Variants in CACNA1E observed in about 807,000 individuals in gnomAD.
The protein encoded by CACNA1E is calcium voltage-gated channel subunit alpha1 E.
Under a neutral mutation model 259.2 loss-of-function variants are expected in CACNA1E, and 40 were observed. The ratio of observed to expected loss-of-function variants is 0.15; its 90% CI spans 0.12 to 0.20. The LOEUF (loss-of-function observed/expected upper bound fraction) is 0.20. CACNA1E is among the 10% of genes least tolerant of loss of function. The pLI, the probability that CACNA1E is intolerant of heterozygous loss-of-function variation, is 1.00. For missense variants in CACNA1E, 1,874 were observed against 3,040.1 expected, an observed-to-expected ratio of 0.62 and a Z score of 9.02; for synonymous variants, 1,104 against 1,138.5, an observed-to-expected ratio of 0.97 and a Z score of 0.61.
intron 1 of CACNA1E, among the ~76,000 whole-genome samples, chr1:181,499,910 T>G (rs1296589677): frequency 6.6e-6 from 1 of 152,242 alleles, no homozygotes; most frequent in Non-Finnish European, 1.5e-5. Flanking sequence ...TCAGTTTTCT[T>G]GCAGGCTATG....
chr1:181,758,930 CTT>C lies in CACNA1E; in HGVS notation c.4605+64_4605+65del, dbSNP rs1658332586. 4 of 938,180 alleles carry C rather than the reference CTT, an allele frequency of 4.3e-6. No homozygotes were observed. In the South Asian group the frequency reaches 5.8e-5, roughly 14 times the overall value. The allele number at this position is 938,180 out of a possible 1,614,324, so 58.1% of individuals were successfully genotyped here. A position where few individuals can be genotyped will look rare whatever the true frequency, so the allele number is the denominator to read the frequency against. On this transcript the variant is annotated intron_variant, in intron 32 of 47. Coordinates refer to ENST00000367573, the MANE Select transcript of CACNA1E (RefSeq NM_001205293.3). This position sits in a 1 kb window ranked among gnomAD's most constrained non-coding sequence, Gnocchi z 4.2. ...TCTTTCTGTTGGGTGCCTTCCCAGTCTTTGTTGAAGGGGAGGTGGTTACTGCT... is the reference window on the plus strand; with the variant it reads ...TCTTTCTGTTGGGTGCCTTCCCAGTCTGTTGAAGGGGAGGTGGTTACTGCT...
At chr1:181,723,692 C>T (rs1011290192) in intron 16 of CACNA1E, among the ~76,000 whole-genome samples, 1 of 152,296 alleles carries the variant, frequency 6.6e-6, no homozygotes, top group African/African-American at 2.4e-5. Flanking sequence ...CCCACAACCC[C>T]CTTCCTGGGT....
intron 18 of CACNA1E, among the ~76,000 whole-genome samples, chr1:181,730,508 ATACTC>A (rs572337754): frequency 9.3e-4 from 142 of 152,364 alleles, no homozygotes; most frequent in African/African-American, 3.1e-3. Flanking sequence ...AAGAAGGTCA[ATACTC>A]TGCTCTGCCC....
At chr1:181,603,911 C>T (rs536811845) in intron 6 of CACNA1E, among the ~76,000 whole-genome samples, 5 of 152,194 alleles carry the variant, frequency 3.3e-5, no homozygotes. Context: ...TGTGCAGCTG[C>T]CGCCGAGCTG....
intron 6 of CACNA1E, among the ~76,000 whole-genome samples, chr1:181,592,839 T>C (rs933072978): frequency 6.6e-6 from 1 of 152,164 alleles, no homozygotes; most frequent in Admixed American, 6.6e-5. Context: ...TGAGTCATAT[T>C]CTGTTAGTGA....
At chr1:181,609,980 C>A (rs543494772) in intron 6 of CACNA1E, among the ~76,000 whole-genome samples, 98 of 152,344 alleles carry the variant, frequency 6.4e-4, no homozygotes, top group African/African-American at 2.3e-3. Context: ...CCATCTTCCT[C>A]TGTCTCCCCA....
intron 37 of CACNA1E, among the ~76,000 whole-genome samples, chr1:181,775,137 C>G (rs531400101): frequency 7.9e-5 from 12 of 152,274 alleles, no homozygotes; most frequent in Admixed American, 2.0e-4. Context: ...AACTATTTTG[C>G]CCAGAAGATT....
chr1:181,778,331 T>A (rs761411118), intron 38 of CACNA1E, among the ~76,000 whole-genome samples: 7 of 152,130 alleles, frequency 4.6e-5, no homozygotes, highest in African/African-American at 1.2e-4. Flanking sequence ...CTAAATTACC[T>A]CCTCTCAAGA....
rs1004453594 is a variant in CACNA1E, at chr1:181,806,061, T to C, written c.*7227T>C. 2.0e-5 allele frequency: 3 copies of C among 152,254 alleles called. No individual in the cohort carries two copies. The highest frequency in any genetic ancestry group is 4.8e-5 in the African/African-American group (2 of 41,466). 9.4% of individuals were successfully genotyped at this position (152,254 alleles called of 1,614,324 possible). On this transcript the variant is annotated 3_prime_UTR_variant, in exon 48 of 48. Transcript: ENST00000367573. ...GGCTTTGAAGGCCTCAGAGGATTAA[T>C]AGATTCCCAAAATTTTCTTCCAGAC...
At chr1:181,486,429 T>C (rs1332537951) in intron 1 of CACNA1E, among the ~76,000 whole-genome samples, 2 of 152,264 alleles carry the variant, frequency 1.3e-5, no homozygotes, top group Non-Finnish European at 2.9e-5. Context: ...GGTGACCACG[T>C]GGAAACATTG....
intron 6 of CACNA1E, among the ~76,000 whole-genome samples, chr1:181,650,277 T>G (rs1658640902): frequency 6.6e-6 from 1 of 152,194 alleles, no homozygotes; most frequent in African/African-American, 2.4e-5. Flanking sequence ...TGGTCTTAAT[T>G]TTACTAATTT....
intron 6 of CACNA1E, 41 bp downstream of exon 6, chr1:181,580,817 A>G (rs1241707367): frequency 1.3e-6 from 2 of 1,587,032 alleles, no homozygotes; most frequent in Non-Finnish European, 8.6e-7. Context: ...GGAGGGAAGA[A>G]CCCTGGATGG....
At chr1:181,733,333 C>T (rs906174733) in intron 20 of CACNA1E, 104 bp from the exon 21 acceptor site, 1 of 1,050,080 alleles carries the variant, frequency 9.5e-7, no homozygotes, top group African/African-American at 1.6e-5. Context: ...TGGCCTTGTA[C>T]CTTCCAGGCT....
At chr1:181,748,455 C>A (rs976508783) in intron 25 of CACNA1E, among the ~76,000 whole-genome samples, 2 of 152,012 alleles carry the variant, frequency 1.3e-5, no homozygotes, top group Admixed American at 6.6e-5. Context: ...TGGGCCCTCC[C>A]GCAGAAGACG....
At chr1:181,679,710 C>A (rs1012757448) in intron 7 of CACNA1E, among the ~76,000 whole-genome samples, 2 of 152,130 alleles carry the variant, frequency 1.3e-5, no homozygotes, top group African/African-American at 4.8e-5. Context: ...AGTGGCTGGG[C>A]TAACAGCAGG....
At chr1:181,592,265 G>C (rs1160145337) in intron 6 of CACNA1E, among the ~76,000 whole-genome samples, 1 of 152,094 alleles carries the variant, frequency 6.6e-6, no homozygotes, top group African/African-American at 2.4e-5. Flanking sequence ...ATCAACCCCA[G>C]TCCCCTAGAC....
rs1007833374 is a variant in CACNA1E at position 181,424,073 on chromosome 1, T to A, written c.434+10493T>A. 2.4e-4 allele frequency among the ~76,000 whole-genome samples: 36 copies of A among 152,210 alleles called. No individual in the cohort carries two copies. The East Asian group carries it at 6.4e-3, about 27-fold the overall frequency. ...GCATTTCAGGATCCTAGGGCTGTAG[T>A]ATAACAGGGTTGCAGAAACCAAAAC... On this transcript the variant is annotated intron_variant, in intron 2 of 11. Transcript: ENST00000524607.
chr1:181,588,421 C>A (rs1469305668), intron 6 of CACNA1E, among the ~76,000 whole-genome samples: 1 of 152,204 alleles, frequency 6.6e-6, no homozygotes, highest in Admixed American at 6.5e-5. Context: ...TGGTCCACAG[C>A]CTTCTCCCCA....
At chr1:181,772,622 C>T (rs1572859321) in intron 37 of CACNA1E, among the ~76,000 whole-genome samples, 2 of 152,000 alleles carry the variant, frequency 1.3e-5, no homozygotes, top group South Asian at 2.1e-4. Flanking sequence ...CTTATAAGTA[C>T]GTCTATGGAT....
Sources: gnomAD v4.1 joint callset for allele counts (sites outside exome capture counted in the v4.1 genomes callset) on GRCh38, gnomAD v4.1.1 for gene constraint, Gnocchi (gnomAD v3.1) non-coding constraint, MANE v1.5 for transcripts, NCBI Gene and HGNC (gene_info 2026-07-23, HGNC 2026-07-21) for gene names.